Variants in SAMD5 observed in about 807,000 individuals in gnomAD.
SAMD5 encodes sterile alpha motif domain-containing protein 5.
SAMD5 carries 13 observed loss-of-function variants against 11.3 expected under a neutral mutation model. That is an observed-to-expected ratio of 1.15 (90% CI 0.75 to 1.83). The LOEUF is 1.83. Among genes scored for constraint, SAMD5 ranks in the 40% most tolerant of loss-of-function variants. The pLI, the probability that SAMD5 is intolerant of heterozygous loss-of-function variation, is 0.00. For synonymous variants in SAMD5, 129 were observed against 111.3 expected, an observed-to-expected ratio of 1.16 and a Z score of -1.00; for missense variants, 255 against 239.1, an observed-to-expected ratio of 1.07 and a Z score of -0.44.
chr6:147,806,035 C>A, the SAMD5 span, among the ~76,000 whole-genome samples: 1 of 152,040 alleles, frequency 6.6e-6, no homozygotes, highest in South Asian at 2.1e-4. Flanking sequence ...AGCAGGAAAC[C>A]ATTTGTGTGC....
chr6:147,745,777 CTTTTTT>C, the SAMD5 span, among the ~76,000 whole-genome samples: 60 of 133,240 alleles, frequency 4.5e-4, no homozygotes, highest in African/African-American at 1.6e-3. Context: ...TTCTTTCTTT[CTTTTTT>C]TTTTTTTTTT....
At chr6:147,848,569 A>G in the SAMD5 span, among the ~76,000 whole-genome samples, 1 of 152,204 alleles carries the variant, frequency 6.6e-6, no homozygotes, top group Non-Finnish European at 1.5e-5. Context: ...CTCACCTAAT[A>G]AATACTGCTA....
At chr6:147,812,314 C>G in the SAMD5 span, among the ~76,000 whole-genome samples, 2 of 151,988 alleles carry the variant, frequency 1.3e-5, no homozygotes, top group Non-Finnish European at 2.9e-5. Context: ...ACATGCCCAC[C>G]TTGGAAATTT....
At chr6:147,608,140 C>T (rs1320725432) in intron 1 of SAMD5, among the ~76,000 whole-genome samples, 1 of 152,140 alleles carries the variant, frequency 6.6e-6, no homozygotes, top group Non-Finnish European at 1.5e-5. Context: ...GGCAATAACA[C>T]ATGCTGGTGA....
Position 147,565,591 on chromosome 6 carries a change from G to T in SAMD5, c.*1135G>T, listed in dbSNP as rs138900019. 2.6e-5 allele frequency: 11 copies of T among 426,508 alleles called. No individual in the cohort carries two copies. The highest frequency in any genetic ancestry group is 2.4e-4 in the African/African-American group (11 of 46,158). 26.4% of individuals were successfully genotyped at this position (426,508 alleles called of 1,614,324 possible). A position where few individuals can be genotyped will look rare whatever the true frequency, so the allele number is the denominator to read the frequency against. ...CTCCTGCCTCGGCCTCTTGGTAGCT[G>T]GGATTACAGGCACGCATCACCACAC... On this transcript the variant is annotated 3_prime_UTR_variant, in exon 2 of 2. Transcript: ENST00000367474.
the SAMD5 span, among the ~76,000 whole-genome samples, chr6:147,753,843 G>A: frequency 6.6e-6 from 1 of 151,922 alleles, no homozygotes; most frequent in South Asian, 2.1e-4. Context: ...ACTTAATATT[G>A]TGATCTCCAG....
At chr6:147,646,200 G>A (rs1375632878) in intron 1 of SAMD5, among the ~76,000 whole-genome samples, 1 of 152,108 alleles carries the variant, frequency 6.6e-6, no homozygotes, top group Non-Finnish European at 1.5e-5. Flanking sequence ...TACTCTACTG[G>A]TGACTGGAAG....
downstream of SAMD5, among the ~76,000 whole-genome samples, chr6:147,574,363 T>C (rs910196401): frequency 6.6e-6 from 1 of 152,170 alleles, no homozygotes; most frequent in Non-Finnish European, 1.5e-5. Flanking sequence ...ACCAAGAAAG[T>C]TAGAATTGGA....
At chr6:147,938,833 A>T in the SAMD5 span, among the ~76,000 whole-genome samples, 1 of 152,210 alleles carries the variant, frequency 6.6e-6, no homozygotes, top group Non-Finnish European at 1.5e-5. Flanking sequence ...TTGGATACCA[A>T]ATGCATGGGT....
At chr6:147,870,399 C>T in the SAMD5 span, among the ~76,000 whole-genome samples, 6 of 151,672 alleles carry the variant, frequency 4.0e-5, no homozygotes, top group Non-Finnish European at 7.4e-5. Context: ...TTCTATGCCA[C>T]AGAAGCACTC....
the SAMD5 span, among the ~76,000 whole-genome samples, chr6:147,776,640 C>T: frequency 6.6e-6 from 1 of 152,152 alleles, no homozygotes; most frequent in Non-Finnish European, 1.5e-5. Context: ...GATTTTTCTC[C>T]CCTACCATCT....
the SAMD5 span, among the ~76,000 whole-genome samples, chr6:147,874,930 G>A: frequency 6.6e-6 from 1 of 152,044 alleles, no homozygotes; most frequent in African/African-American, 2.4e-5. Context: ...AGTTTTCTGG[G>A]AGGCTCACAT....
At chr6:147,807,316 G>A in the SAMD5 span, among the ~76,000 whole-genome samples, 1 of 152,020 alleles carries the variant, frequency 6.6e-6, no homozygotes, top group Non-Finnish European at 1.5e-5. Context: ...TGTTAGCCAG[G>A]ATGGTCTCGA....
chr6:147,609,830 A>C (rs1204772377), intron 1 of SAMD5, among the ~76,000 whole-genome samples: 1 of 152,164 alleles, frequency 6.6e-6, no homozygotes, highest in Non-Finnish European at 1.5e-5. Context: ...TGCTGGGATT[A>C]TAGGCATGAG....
At chr6:147,740,051 G>A (rs370565914), downstream of SAMD5, among the ~76,000 whole-genome samples, 35 of 152,038 alleles carry the variant, frequency 2.3e-4, no homozygotes, top group East Asian at 5.4e-3. Flanking sequence ...AACTCCTGAT[G>A]TCGTGATCTG....
chr6:147,682,438 G>T (rs1790953473), intron 1 of SAMD5, among the ~76,000 whole-genome samples: 1 of 152,120 alleles, frequency 6.6e-6, no homozygotes, highest in East Asian at 1.9e-4. Flanking sequence ...TTGGTCCAGA[G>T]AGCATCTTCT....
At chr6:147,950,751 C>T in the SAMD5 span, among the ~76,000 whole-genome samples, 4 of 152,128 alleles carry the variant, frequency 2.6e-5, no homozygotes, top group African/African-American at 7.2e-5. Flanking sequence ...CTCTTGGAAA[C>T]AGTCTGTTCC....
At chr6:147,951,333 C>T in the SAMD5 span, among the ~76,000 whole-genome samples, 800 of 152,108 alleles carry the variant, frequency 5.3e-3, 7 homozygotes, top group African/African-American at 0.018. Context: ...AGGAGCCCAC[C>T]AACACGCCCG....
chr6:147,592,986 T>C (rs567809073), intron 1 of SAMD5, among the ~76,000 whole-genome samples: 1 of 152,196 alleles, frequency 6.6e-6, no homozygotes, highest in South Asian at 2.1e-4. Flanking sequence ...TGTTTGATTT[T>C]TTTAACAGCT....
Sources: allele counts gnomAD v4.1 joint callset (sites outside exome capture counted in the v4.1 genomes callset), GRCh38; gene constraint gnomAD v4.1.1; transcripts MANE v1.5; gene names NCBI Gene and HGNC (gene_info 2026-07-23, HGNC 2026-07-21).